Variants in ARHGEF28 observed in about 807,000 individuals in gnomAD.
ARHGEF28 encodes 190 kDa guanine nucleotide exchange factor.
In ARHGEF28, 152 loss-of-function variants were observed where a neutral mutation model predicts 206.6. That is an observed-to-expected ratio of 0.74 (90% CI 0.64 to 0.84). The LOEUF (loss-of-function observed/expected upper bound fraction) is 0.84. Among genes scored for constraint, ARHGEF28 ranks in the 40% least tolerant of loss-of-function variants. The pLI is 0.00. For missense variants in ARHGEF28, 2,028 were observed against 2,073.2 expected (o/e 0.98, Z 0.42); for synonymous variants, 763 against 776.4 (o/e 0.98, Z 0.29).
chr5:73,717,864 A>G (rs1050731906), intron 2 of ARHGEF28, among the ~76,000 whole-genome samples: 3 of 152,112 alleles, frequency 2.0e-5, no homozygotes, highest in Non-Finnish European at 4.4e-5. Flanking sequence ...GTATTTATCA[A>G]TATGGAATTT....
At chr5:73,690,525 CAAAAAAA>C (rs71615796) in intron 2 of ARHGEF28, among the ~76,000 whole-genome samples, 54 of 23,370 alleles carry the variant, frequency 2.3e-3, no homozygotes, top group Admixed American at 2.7e-3. Flanking sequence ...TCTGTCTTTA[CAAAAAAA>C]AAAAAAAAAA....
At chr5:73,735,036 G>A (rs955734056) in intron 2 of ARHGEF28, among the ~76,000 whole-genome samples, 1 of 151,950 alleles carries the variant, frequency 6.6e-6, no homozygotes, top group Admixed American at 6.6e-5. Flanking sequence ...CTGATGCTGC[G>A]CTGCCGACCT....
chr5:73,894,863 T>A (rs1447638860), intron 29 of ARHGEF28, among the ~76,000 whole-genome samples: 4 of 152,162 alleles, frequency 2.6e-5, no homozygotes, highest in Admixed American at 2.0e-4. Flanking sequence ...CTCTTTGATA[T>A]AATGATATGT....
At chr5:73,899,981 T>G (rs969994408) in intron 30 of ARHGEF28, 1 of 152,248 alleles carries the variant, frequency 6.6e-6, no homozygotes, top group Non-Finnish European at 1.5e-5. Flanking sequence ...TTGGCCACTC[T>G]TTAAGAGTTA....
chr5:73,867,801 C>T, intron 18 of ARHGEF28, 75 bp from the exon 19 acceptor site: 1 of 1,590,376 alleles, frequency 6.3e-7, no homozygotes, highest in Non-Finnish European at 8.6e-7. Flanking sequence ...GTTTAGCTTT[C>T]TGGCTTTTAA....
chr5:73,736,183 T>C (rs555348604), intron 2 of ARHGEF28, among the ~76,000 whole-genome samples: 87 of 152,384 alleles, frequency 5.7e-4, no homozygotes, highest in Non-Finnish European at 1.1e-3. Context: ...AAGTACTCAA[T>C]GGATACTCAT....
At chr5:73,707,214 T>C (rs1288189484) in intron 2 of ARHGEF28, among the ~76,000 whole-genome samples, 1 of 152,210 alleles carries the variant, frequency 6.6e-6, no homozygotes, top group Admixed American at 6.5e-5. Flanking sequence ...CCCTAAGTCC[T>C]GGCTCTTCCT....
At position 73,840,777 on chromosome 5, in the gene ARHGEF28, T is replaced by A. The variant is rs779099495; in HGVS notation, c.1427+17T>A. The A allele has an allele frequency of 6.3e-7, 1 of 1,594,908 alleles. No individual in the cohort carries two copies. Among genetic ancestry groups the A allele is most frequent in the Non-Finnish European group, 8.5e-7 (1 of 1,170,200 alleles). ...GAAAAGAAGGTAAGAGTCTATATTG[T>A]AGAGGAAAACTGTAGAACATCAAAG... On this transcript the variant is annotated intron_variant, in intron 11 of 35. Transcript: ENST00000513042.
At chr5:73,879,931 C>A (rs928305081) in intron 22 of ARHGEF28, among the ~76,000 whole-genome samples, 1 of 152,202 alleles carries the variant, frequency 6.6e-6, no homozygotes, top group Non-Finnish European at 1.5e-5. Flanking sequence ...CAGCTGTGTG[C>A]TGGGAGAACC....
rs562291996 is a variant in ARHGEF28 at position 73,850,220 on chromosome 5, AG to A, written c.1747+1134del. ...TGTTGAATGAGTATGAGAAAAAGAT[AG>A]ATAAAACACAAAAGAAATGCTACCA... On this transcript the variant is annotated intron_variant, in intron 13 of 35. Transcript: ENST00000513042. 1.8e-3 allele frequency among the ~76,000 whole-genome samples: 279 copies of A among 152,152 alleles called. 1 individual carries two copies. The highest frequency in any genetic ancestry group is 6.2e-3 in the African/African-American group (256 of 41,520).
intron 1 of ARHGEF28, among the ~76,000 whole-genome samples, chr5:73,656,363 T>C (rs1322542502): frequency 6.6e-6 from 1 of 152,210 alleles, no homozygotes; most frequent in East Asian, 1.9e-4. Flanking sequence ...ATTCCTGGTT[T>C]CCTTTCCCAA....
intron 35 of ARHGEF28, among the ~76,000 whole-genome samples, chr5:73,919,473 T>G (rs964401065): frequency 1.3e-4 from 20 of 152,316 alleles, no homozygotes; most frequent in African/African-American, 4.3e-4. Flanking sequence ...CAACCACATT[T>G]TTAGAACCAG....
At chr5:73,654,733 T>C (rs1468137856) in intron 1 of ARHGEF28, among the ~76,000 whole-genome samples, 17 of 152,238 alleles carry the variant, frequency 1.1e-4, no homozygotes, top group Non-Finnish European at 2.5e-4. Context: ...GTCATCTCTT[T>C]CATCCAGATA....
intron 9 of ARHGEF28, among the ~76,000 whole-genome samples, chr5:73,824,469 A>T (rs1756775709): frequency 6.6e-6 from 1 of 151,104 alleles, no homozygotes; most frequent in African/African-American, 2.4e-5. Context: ...TGGGGTTTGA[A>T]GACTTTTTTT....
intron 9 of ARHGEF28, among the ~76,000 whole-genome samples, chr5:73,817,922 A>G (rs890528744): frequency 2.0e-5 from 3 of 152,154 alleles, no homozygotes; most frequent in Non-Finnish European, 4.4e-5. Context: ...AGGAGAAGTG[A>G]CAGGGAGAGA....
chr5:73,709,102 CT>C (rs1315857775), intron 2 of ARHGEF28, among the ~76,000 whole-genome samples: 2 of 152,202 alleles, frequency 1.3e-5, no homozygotes, highest in Non-Finnish European at 2.9e-5. Context: ...TTACAATCCT[CT>C]TTGGTATGCT....
Position 73,894,585 on chromosome 5 carries a change from T to C in ARHGEF28, c.3841+10T>C. Reference sequence around the variant, plus strand: ...GCAGCACTGAAAGAAGGTAAACTGCTGTGAGAAGGGTTTGGGTCGACACGT... The same window carrying C: ...GCAGCACTGAAAGAAGGTAAACTGCCGTGAGAAGGGTTTGGGTCGACACGT... On this transcript the variant is annotated intron_variant, in intron 29 of 35. Coordinates refer to ENST00000513042, the MANE Select transcript of ARHGEF28 (RefSeq NM_001177693.2). 12 of 1,612,800 alleles carry C rather than the reference T, an allele frequency of 7.4e-6. No homozygotes were observed. Among genetic ancestry groups the C allele is most frequent in the Non-Finnish European group, 1.0e-5 (12 of 1,179,462 alleles).
intron 1 of ARHGEF28, among the ~76,000 whole-genome samples, chr5:73,665,610 G>A (rs1745901711): frequency 6.6e-6 from 1 of 152,088 alleles, no homozygotes; most frequent in African/African-American, 2.4e-5. Context: ...TAGCTGGTGG[G>A]GCTGCATCAT....
At chr5:73,800,631 A>AAAAC (rs1561413093) in intron 9 of ARHGEF28, among the ~76,000 whole-genome samples, 1 of 152,182 alleles carries the variant, frequency 6.6e-6, no homozygotes, top group African/African-American at 2.4e-5. Context: ...TCATACCAAA[A>AAAAC]AAAACAAAAC....
Sources: allele counts gnomAD v4.1 joint callset (sites outside exome capture counted in the v4.1 genomes callset), GRCh38; gene constraint gnomAD v4.1.1; transcripts MANE v1.5; gene names NCBI Gene and HGNC (gene_info 2026-07-23, HGNC 2026-07-21).